CATSPERT: variants seen among roughly 807,000 people sequenced by gnomAD.
CATSPERT encodes the protein catsper channel auxiliary subunit tau.
the CATSPERT span, chr2:201,492,930 T>C: frequency 9.8e-6 from 15 of 1,536,528 alleles, no homozygotes; most frequent in African/African-American, 1.8e-4. Flanking sequence ...AGAGTTCTTC[T>C]AGAAACACAC....
chr2:201,619,017 C>G, the CATSPERT span: 5 of 1,614,110 alleles, frequency 3.1e-6, no homozygotes, highest in East Asian at 1.1e-4. Context: ...GCATGATATC[C>G]GGGCTGCTGT....
the CATSPERT span, among the ~76,000 whole-genome samples, chr2:201,616,042 T>C: frequency 2.0e-5 from 3 of 151,934 alleles, no homozygotes; most frequent in East Asian, 1.9e-4. Context: ...CAATAACAGG[T>C]TCTGAAATTG....
At chr2:201,576,468 T>G in the CATSPERT span, among the ~76,000 whole-genome samples, 1 of 152,226 alleles carries the variant, frequency 6.6e-6, no homozygotes, top group Non-Finnish European at 1.5e-5. Context: ...GCAAGACCAA[T>G]GGACTGCCCA....
chr2:201,487,754 T>C, the CATSPERT span: 9 of 1,614,058 alleles, frequency 5.6e-6, no homozygotes, highest in Non-Finnish European at 7.6e-6. Flanking sequence ...CTTGTTAACC[T>C]CCGGAGCAGT....
chr2:201,551,840 G>A, the CATSPERT span, among the ~76,000 whole-genome samples: 8 of 151,380 alleles, frequency 5.3e-5, no homozygotes, highest in Non-Finnish European at 8.8e-5. Flanking sequence ...CCCGGGAGCC[G>A]GAGGTTGCAG....
the CATSPERT span, among the ~76,000 whole-genome samples, chr2:201,524,715 T>C: frequency 2.0e-5 from 3 of 152,114 alleles, no homozygotes; most frequent in African/African-American, 4.8e-5. Context: ...ATGGTGTCCT[T>C]AAAAGACCCA....
the CATSPERT span, among the ~76,000 whole-genome samples, chr2:201,523,767 C>T: frequency 2.1e-5 from 3 of 141,644 alleles, no homozygotes. Flanking sequence ...GAGTCAAGAG[C>T]TGAAAGACAA....
chr2:201,505,615 G>T, the CATSPERT span, among the ~76,000 whole-genome samples: 1 of 118,778 alleles, frequency 8.4e-6, no homozygotes, highest in Non-Finnish European at 1.7e-5. Context: ...TCAAAGTCAT[G>T]TTAAAAACAA....
At chr2:201,510,481 C>T in the CATSPERT span, among the ~76,000 whole-genome samples, 1,415 of 151,950 alleles carry the variant, frequency 9.3e-3, 33 homozygotes, top group African/African-American at 0.033. Flanking sequence ...ATAAGAACAC[C>T]CTGTCTTAAT....
chr2:201,565,087 AAAG>A, the CATSPERT span, among the ~76,000 whole-genome samples: 1 of 144,160 alleles, frequency 6.9e-6, no homozygotes, highest in Non-Finnish European at 1.5e-5. Flanking sequence ...ATAGCAAAAA[AAAG>A]GACAAGAAAT....
chr2:201,534,949 A>T, the CATSPERT span: 1 of 425,048 alleles, frequency 2.4e-6, no homozygotes, highest in Non-Finnish European at 3.1e-6. Context: ...CAAGCTTTTA[A>T]AATTCATAAA....
At chr2:201,512,419 T>TTA in the CATSPERT span, among the ~76,000 whole-genome samples, 1 of 152,172 alleles carries the variant, frequency 6.6e-6, no homozygotes, top group Non-Finnish European at 1.5e-5. Context: ...TAATATCCTT[T>TTA]TATAATCTCA....
the CATSPERT span, among the ~76,000 whole-genome samples, chr2:201,603,897 G>A: frequency 6.6e-6 from 1 of 152,064 alleles, no homozygotes; most frequent in Non-Finnish European, 1.5e-5. Flanking sequence ...AAAAACAACA[G>A]AAATATTATA....
the CATSPERT span, among the ~76,000 whole-genome samples, chr2:201,568,776 A>G: frequency 2.0e-5 from 3 of 152,324 alleles, no homozygotes; most frequent in East Asian, 5.8e-4. Context: ...AGGGAGTTCT[A>G]TGGCGTCTTC....
At chr2:201,587,851 G>C in the CATSPERT span, among the ~76,000 whole-genome samples, 5 of 152,140 alleles carry the variant, frequency 3.3e-5, no homozygotes, top group Non-Finnish European at 7.4e-5. Context: ...ACAACCATTA[G>C]AGAATATTAT....
the CATSPERT span, among the ~76,000 whole-genome samples, chr2:201,592,106 G>A: frequency 6.6e-6 from 1 of 151,828 alleles, no homozygotes; most frequent in African/African-American, 2.4e-5. Flanking sequence ...CATTCAGTAT[G>A]ATATTGGCTG....
the CATSPERT span, chr2:201,555,224 A>C: frequency 6.6e-6 from 1 of 152,184 alleles, no homozygotes; most frequent in African/African-American, 2.4e-5. Context: ...ACTTAAAATC[A>C]CTTATCACAG....
the CATSPERT span, chr2:201,493,092 A>T: frequency 6.5e-7 from 1 of 1,530,452 alleles, no homozygotes; most frequent in Non-Finnish European, 8.7e-7. Flanking sequence ...TTTCAGAATG[A>T]TTATATTTGA....
At chr2:201,520,503 G>C in the CATSPERT span, among the ~76,000 whole-genome samples, 1 of 152,160 alleles carries the variant, frequency 6.6e-6, no homozygotes, top group Admixed American at 6.5e-5. Flanking sequence ...GTAGAAATCA[G>C]TAAGATAAAC....
Sources: gnomAD v4.1 joint callset for allele counts (sites outside exome capture counted in the v4.1 genomes callset) on GRCh38, gnomAD v4.1.1 for gene constraint, MANE v1.5 for transcripts, NCBI Gene and HGNC (gene_info 2026-07-23, HGNC 2026-07-21) for gene names.